CASD1: variants seen among roughly 807,000 people sequenced by gnomAD.
CASD1 encodes N-acetylneuraminate (7)9-O-acetyltransferase.
CASD1 carries 41 observed loss-of-function variants against 100.0 expected under a neutral mutation model. That is an observed-to-expected ratio of 0.41 (90% CI 0.32 to 0.53). The LOEUF (loss-of-function observed/expected upper bound fraction) is 0.53. CASD1 is among the 20% of genes least tolerant of loss of function. The pLI is 0.25. For synonymous variants in CASD1, 321 were observed against 315.6 expected, an observed-to-expected ratio of 1.02 and a Z score of -0.18; for missense variants, 774 against 948.7, an observed-to-expected ratio of 0.82 and a Z score of 2.42.
chr7:94,583,403 C>A, the CASD1 span, among the ~76,000 whole-genome samples: 1 of 152,150 alleles, frequency 6.6e-6, no homozygotes, highest in African/African-American at 2.4e-5. Context: ...GAAATAAACA[C>A]ACAAGCTTGG....
intron 14 of CASD1, among the ~76,000 whole-genome samples, chr7:94,550,343 A>G (rs997731676): frequency 2.0e-5 from 3 of 151,886 alleles, no homozygotes; most frequent in African/African-American, 7.3e-5. Flanking sequence ...TCCAACCCCT[A>G]TGCATTTTTC....
At chr7:94,622,208 A>C in the CASD1 span, 1 of 152,196 alleles carries the variant, frequency 6.6e-6, no homozygotes, top group East Asian at 1.9e-4. Context: ...TAGAAGCAAA[A>C]ATTCCCCTAT....
chr7:94,538,284 T>C (rs1319097789), intron 9 of CASD1, among the ~76,000 whole-genome samples: 1 of 152,168 alleles, frequency 6.6e-6, no homozygotes, highest in Admixed American at 6.5e-5. Flanking sequence ...CACACAAACA[T>C]ATTTTATATT....
At chr7:94,633,604 C>G in the CASD1 span, among the ~76,000 whole-genome samples, 1 of 152,074 alleles carries the variant, frequency 6.6e-6, no homozygotes, top group East Asian at 1.9e-4. Context: ...AATCAAATAA[C>G]AGACCACGAA....
chr7:94,605,465 A>C, the CASD1 span, among the ~76,000 whole-genome samples: 1 of 151,044 alleles, frequency 6.6e-6, no homozygotes, highest in Non-Finnish European at 1.5e-5. Context: ...AAATGTATAT[A>C]TCTACATATA....
the CASD1 span, among the ~76,000 whole-genome samples, chr7:94,601,732 A>G: frequency 6.6e-6 from 1 of 152,114 alleles, no homozygotes; most frequent in African/African-American, 2.4e-5. Context: ...TTTTCTGCCA[A>G]GGAATTGATG....
intron 17 of CASD1, among the ~76,000 whole-genome samples, chr7:94,555,169 TAAC>T (rs1227928887): frequency 2.0e-5 from 3 of 152,244 alleles, no homozygotes; most frequent in South Asian, 2.1e-4. Flanking sequence ...TATATTGTAA[TAAC>T]AACATATATT....
At position 94,509,874 on chromosome 7, in the gene CASD1, G is replaced by C; in HGVS notation, c.-211G>C. ...AGCAGCGGCGGCGGGGCTGGGGGGA[G>C]GCCGCCGAGTCGGCCGCGGCCGAGG... On this transcript the variant is annotated 5_prime_UTR_variant, in exon 1 of 18. Coordinates refer to ENST00000297273, the MANE Select transcript of CASD1 (RefSeq NM_022900.5). The C allele has an allele frequency of 5.8e-6, 6 of 1,033,032 alleles. No homozygotes were observed. Among genetic ancestry groups the C allele is most frequent in the Non-Finnish European group, 7.0e-6 (6 of 861,900 alleles). The allele number at this position is 1,033,032 out of a possible 1,614,324, so 64.0% of individuals were successfully genotyped here.
At chr7:94,519,093 A>G (rs1335813580) in intron 3 of CASD1, among the ~76,000 whole-genome samples, 2 of 152,204 alleles carry the variant, frequency 1.3e-5, no homozygotes, top group African/African-American at 2.4e-5. Flanking sequence ...ATCATGCTGT[A>G]AATTAAAACA....
chr7:94,590,160 G>C, the CASD1 span: 1 of 151,920 alleles, frequency 6.6e-6, no homozygotes, highest in Non-Finnish European at 1.5e-5. Context: ...TACACAATCA[G>C]CTCCCATTTG....
chr7:94,522,477 AG>A (rs1434706877), intron 3 of CASD1, among the ~76,000 whole-genome samples: 1 of 152,230 alleles, frequency 6.6e-6, no homozygotes, highest in Non-Finnish European at 1.5e-5. Flanking sequence ...TCTCACTTAC[AG>A]TGGGAGAATT....
the CASD1 span, chr7:94,589,412 G>A: frequency 6.5e-6 from 1 of 153,516 alleles, no homozygotes; most frequent in African/African-American, 2.4e-5. Context: ...CCTTGTAAGG[G>A]GATTGACTTG....
At chr7:94,587,153 T>C in the CASD1 span, 1 of 984,520 alleles carries the variant, frequency 1.0e-6, no homozygotes, top group Non-Finnish European at 1.2e-6. Context: ...GAAAACTCTT[T>C]GGCTCTTATA....
intron 1 of CASD1, 48 bp downstream of exon 1, chr7:94,510,265 G>T (rs930072636): frequency 7.5e-7 from 1 of 1,339,134 alleles, no homozygotes. Context: ...GGGAGGCGGC[G>T]ACGCGGCGGC....
At chr7:94,562,520 G>T in the CASD1 span, among the ~76,000 whole-genome samples, 2 of 152,130 alleles carry the variant, frequency 1.3e-5, no homozygotes, top group East Asian at 3.9e-4. Flanking sequence ...CTCACGAAAT[G>T]TCCCTATAAC....
chr7:94,588,959 T>G, the CASD1 span: 1 of 539,912 alleles, frequency 1.9e-6, no homozygotes, highest in South Asian at 2.1e-5. Flanking sequence ...CTGCGGGCTA[T>G]ACTCTAAAGT....
chr7:94,517,920 A>G (rs1794057134), intron 2 of CASD1, among the ~76,000 whole-genome samples: 1 of 152,208 alleles, frequency 6.6e-6, no homozygotes, highest in Non-Finnish European at 1.5e-5. Context: ...GCACCTGGAT[A>G]CCTATCTTAT....
the CASD1 span, among the ~76,000 whole-genome samples, chr7:94,591,523 C>T: frequency 1.3e-4 from 20 of 152,160 alleles, no homozygotes; most frequent in Admixed American, 1.0e-3. Flanking sequence ...GGTGTTCTAA[C>T]ATAGGTAGTG....
chr7:94,530,313 A>G (rs1413594634), intron 5 of CASD1, among the ~76,000 whole-genome samples: 3 of 152,182 alleles, frequency 2.0e-5, no homozygotes, highest in Non-Finnish European at 4.4e-5. Flanking sequence ...GGGACTCTCC[A>G]GCAGTTTTAG....
Sources: allele counts gnomAD v4.1 joint callset (sites outside exome capture counted in the v4.1 genomes callset), GRCh38; gene constraint gnomAD v4.1.1; transcripts MANE v1.5; gene names NCBI Gene and HGNC (gene_info 2026-07-23, HGNC 2026-07-21).